The following DNM3 variants were observed in gnomAD, a reference collection of about 807,000 sequenced individuals.
The protein encoded by DNM3 is dynamin-3.
DNM3 carries 47 observed loss-of-function variants against 101.6 expected under a neutral mutation model. That is an observed-to-expected ratio of 0.46 (90% confidence interval 0.37 to 0.59). The LOEUF (loss-of-function observed/expected upper bound fraction) is 0.59, where lower values mean the gene tolerates loss of function less well. Ranked by LOEUF, DNM3 falls within the 20% of genes least tolerant of loss-of-function variation. The probability of loss-of-function intolerance (pLI) is 0.00; values close to 1 mark genes in which losing one functional copy is unlikely to be tolerated. For synonymous variants in DNM3, 385 were observed against 387.9 expected (o/e 0.99, Z 0.09); for missense variants, 849 against 1,085.7 (o/e 0.78, Z 3.06).
chr1:172,199,316 T>A lies in DNM3; in HGVS notation c.1660-54257T>A, dbSNP rs79892071. On this transcript the variant is annotated intron_variant, in intron 14 of 20. Transcript: ENST00000627582. Reference sequence around the variant, plus strand: ...GTTCTTTTTCATTTGTAGAGGATTATTTTATGTCCAATTATATGGTCTATT... The same window carrying A: ...GTTCTTTTTCATTTGTAGAGGATTAATTTATGTCCAATTATATGGTCTATT... Among the ~76,000 whole-genome samples, 1,335 of 152,164 alleles carry A rather than the reference T, an allele frequency of 8.8e-3. 16 individuals are homozygous for A. The highest frequency in any genetic ancestry group is 0.029 in the African/African-American group (1,197 of 41,550).
chr1:172,065,394 G>C (rs2051571222), intron 10 of DNM3, among the ~76,000 whole-genome samples: 1 of 152,120 alleles, frequency 6.6e-6, no homozygotes, highest in Non-Finnish European at 1.5e-5. Context: ...AGGCGGAATT[G>C]ATTGTCTTGG....
At chr1:172,418,360 C>A (rs1362318939) in exon 21 of DNM3, 1 of 1,277,520 alleles carries the variant, frequency 7.8e-7, no homozygotes, top group South Asian at 1.3e-5. Context: ...ACATGTCTAT[C>A]CATGGTATTT....
chr1:172,026,162 C>A (rs947390320), intron 4 of DNM3, among the ~76,000 whole-genome samples: 1 of 151,944 alleles, frequency 6.6e-6, no homozygotes, highest in Non-Finnish European at 1.5e-5. Flanking sequence ...GTGAAGCATA[C>A]ACAAGTATCA....
At chr1:171,957,456 C>G (rs1571828287) in intron 2 of DNM3, among the ~76,000 whole-genome samples, 1 of 152,136 alleles carries the variant, frequency 6.6e-6, no homozygotes, top group Non-Finnish European at 1.5e-5. Context: ...CCTCAGCCTC[C>G]CAAAGTGCTG....
intron 13 of DNM3, among the ~76,000 whole-genome samples, chr1:172,096,856 A>T (rs1353304439): frequency 1.3e-5 from 2 of 152,226 alleles, no homozygotes; most frequent in East Asian, 3.8e-4. Context: ...GAATAGTTTG[A>T]AGGAGACAAA....
rs2049432622 is a variant in DNM3 at position 172,042,127 on chromosome 1, C to G, written c.1111C>G (p.Pro371Ala). ...KINRIFHERF[P>A]FEIVKMEFNE... ...CAATCGTATTTTTCATGAACGCTTT[C>G]CTTTTGAGATAGTAAAGGTTTGTGT... The change falls in exon 8 of 21, where the codon CCT becomes GCT. Residue 371 changes from proline to alanine, a missense_variant. Coordinates refer to ENST00000627582, the MANE Select transcript of DNM3 (RefSeq NM_015569.5). 1.0e-5 allele frequency: 16 copies of G among 1,604,022 alleles called. No individual in the cohort carries two copies. The highest frequency in any genetic ancestry group is 1.4e-5 in the Non-Finnish European group (16 of 1,177,354).
At chr1:171,931,804 C>T (rs1265499538) in intron 2 of DNM3, among the ~76,000 whole-genome samples, 1 of 152,020 alleles carries the variant, frequency 6.6e-6, no homozygotes, top group Admixed American at 6.5e-5. Flanking sequence ...TCTCCCATTA[C>T]TTTTTTTAAA....
intron 20 of DNM3, 151 bp downstream of exon 20, chr1:172,388,960 C>T (rs950512782): frequency 1.0e-5 from 7 of 689,166 alleles, no homozygotes. Flanking sequence ...AGGAAAATTG[C>T]CAACCCTGTT....
At chr1:172,143,334 C>T (rs925482407) in intron 14 of DNM3, among the ~76,000 whole-genome samples, 1 of 152,046 alleles carries the variant, frequency 6.6e-6, no homozygotes, top group Non-Finnish European at 1.5e-5. Flanking sequence ...AGAATTGTTT[C>T]GGAATAGAAA....
At chr1:172,032,920 C>T (rs991683493) in intron 5 of DNM3, among the ~76,000 whole-genome samples, 185 bp from the exon 6 acceptor site, 4 of 152,056 alleles carry the variant, frequency 2.6e-5, no homozygotes, top group South Asian at 4.2e-4. Flanking sequence ...AAAAAATTAT[C>T]GTGGGCTCAA....
intron 17 of DNM3, chr1:172,339,053 A>G (rs758401194): frequency 1.8e-5 from 9 of 492,724 alleles, no homozygotes; most frequent in Non-Finnish European, 3.3e-5. Flanking sequence ...TAAATAAAAA[A>G]GAAAGTTTGA....
chr1:172,064,829 T>C (rs2051527898), intron 10 of DNM3, among the ~76,000 whole-genome samples: 2 of 152,182 alleles, frequency 1.3e-5, no homozygotes. Flanking sequence ...TTGCTTAGTG[T>C]CTCTTCAAGG....
chr1:171,873,941 G>A (rs1011075278), intron 1 of DNM3, among the ~76,000 whole-genome samples: 1 of 152,164 alleles, frequency 6.6e-6, no homozygotes, highest in African/African-American at 2.4e-5. Context: ...ATTACAGTGA[G>A]TGGTTTCTAT....
At chr1:172,376,589 G>T (rs564977248) in intron 17 of DNM3, 2 of 151,934 alleles carry the variant, frequency 1.3e-5, no homozygotes, top group African/African-American at 4.8e-5. Context: ...CATTTTTCCC[G>T]TTCATCTTAG....
chr1:172,318,900 G>T (rs1250649480), intron 16 of DNM3, among the ~76,000 whole-genome samples: 1 of 152,038 alleles, frequency 6.6e-6, no homozygotes, highest in Non-Finnish European at 1.5e-5. Flanking sequence ...TAAAGTTCAT[G>T]TGGAACCAAA....
At position 172,075,858 on chromosome 1, in the gene DNM3, A is replaced by G. The variant is rs573824972; in HGVS notation, c.1423-5974A>G. On this transcript the variant is annotated intron_variant, in intron 11 of 20. Transcript: ENST00000627582. ...TTTTCTAAATCTGTGAAGAAAGTCA[A>G]TGGTAGCTTGAGGGGATAGCATTGA... 9.2e-5 allele frequency among the ~76,000 whole-genome samples: 14 copies of G among 151,682 alleles called. No homozygotes were observed. The East Asian group carries it at 2.4e-3, about 26-fold the overall frequency.
intron 14 of DNM3, among the ~76,000 whole-genome samples, chr1:172,166,510 A>G (rs1177038818): frequency 1.3e-5 from 2 of 152,068 alleles, no homozygotes; most frequent in Admixed American, 6.6e-5. Flanking sequence ...TGCACTGCCA[A>G]TTTGATTATC....
chr1:171,847,923 T>TGTGTGTGTGG (rs1393062370), intron 1 of DNM3, among the ~76,000 whole-genome samples: 5 of 151,966 alleles, frequency 3.3e-5, no homozygotes, highest in Non-Finnish European at 7.4e-5. Context: ...TGTGTGTGTG[T>TGTGTGTGTGG]GTGTGTGTGA....
At chr1:172,061,072 A>G (rs1348666459) in intron 10 of DNM3, among the ~76,000 whole-genome samples, 3 of 140,930 alleles carry the variant, frequency 2.1e-5, no homozygotes, top group East Asian at 2.3e-4. Flanking sequence ...GAAGACATTT[A>G]TGCAGCCAAA....
Sources: gnomAD v4.1 joint callset for allele counts (sites outside exome capture counted in the v4.1 genomes callset) on GRCh38, gnomAD v4.1.1 for gene constraint, MANE v1.5 for transcripts, NCBI Gene and HGNC (gene_info 2026-07-23, HGNC 2026-07-21) for gene names.